LRFN3: variants seen among roughly 807,000 people sequenced by gnomAD.
LRFN3 encodes leucine rich repeat and fibronectin type III domain containing 3.
Under a neutral mutation model 23.8 loss-of-function variants are expected in LRFN3, and 8 were observed. The observed-to-expected ratio is 0.34, with a 90% CI of 0.20 to 0.61. The LOEUF is 0.61. Ranked by LOEUF, LRFN3 falls within the 20% of genes least tolerant of loss-of-function variation. The probability of loss-of-function intolerance (pLI) is 0.80; values close to 1 mark genes in which losing one functional copy is unlikely to be tolerated. For synonymous variants in LRFN3, 451 were observed against 450.6 expected (o/e 1.00, Z -0.01); for missense variants, 736 against 935.3 (o/e 0.79, Z 2.78).
intron 1 of LRFN3, among the ~76,000 whole-genome samples, chr19:35,938,142 C>A (rs1231901616): frequency 6.6e-6 from 1 of 152,198 alleles, no homozygotes. Flanking sequence ...TCTCCAGCAG[C>A]CTCTGTCCAT....
At position 35,940,562 on chromosome 19, in the gene LRFN3, G is replaced by A. The variant is rs1392657705; in HGVS notation, c.1137G>A (p.Val379=). ...CAGCTGGCGAGGCCACAGCTGCTGT[G>A]GAGCTGACTGTGGGTCCCCCACCAC... ...ANAAGEATAA[V]ELTVGPPPPP... Residue 379 remains valine, a synonymous_variant, in exon 2 of 3, where the codon GTG becomes GTA. Transcript: ENST00000246529. 6.2e-7 allele frequency: 1 copy of A among 1,612,636 alleles called. No homozygotes were observed. Among genetic ancestry groups the A allele is most frequent in the African/African-American group, 1.3e-5 (1 of 74,944 alleles).
chr19:35,940,261 G>T lies in LRFN3; in HGVS notation c.836G>T (p.Gly279Val). 1 of 1,605,024 alleles carries T rather than the reference G, an allele frequency of 6.2e-7. No homozygotes were observed. Among genetic ancestry groups the T allele is most frequent in the Non-Finnish European group, 8.5e-7 (1 of 1,178,726 alleles). ...LEACASPPAL[G>V]GRYFWAVGEE... ...GCCTGCGCGTCCCCACCTGCTCTGG[G>T]CGGCCGCTACTTCTGGGCGGTGGGC... Residue 279 changes from glycine to valine, a missense_variant, in exon 2 of 3, where the codon GGC (glycine) becomes GTC (valine). Gly to Val is a moderately radical substitution (Grantham distance 109). Coordinates refer to ENST00000246529, the MANE Select transcript of LRFN3 (RefSeq NM_024509.2).
chr19:35,939,557 G>A lies in LRFN3; in HGVS notation c.132G>A (p.Leu44=), dbSNP rs1976092236. The A allele has an allele frequency of 6.2e-7, 1 of 1,608,406 alleles. No individual in the cohort carries two copies. Among genetic ancestry groups the A allele is most frequent in the South Asian group, 1.1e-5 (1 of 91,030 alleles). The change falls in exon 2 of 3, where the codon CTG becomes CTA. Residue 44 remains leucine (L), a synonymous_variant. Coordinates refer to ENST00000246529, the MANE Select transcript of LRFN3 (RefSeq NM_024509.2). The surrounding 1 kb of genome is among the most constrained non-coding windows in gnomAD (Gnocchi z 6.4). The part of the protein sequence containing the change: ...CQTQSLPLSV[L]CPGAGLLFVP... ...CACAGTCGCTGCCCCTAAGCGTGCT[G>A]TGCCCAGGGGCAGGCCTCCTGTTCG...
chr19:35,944,514 C>A lies in LRFN3; in HGVS notation c.1416-34C>A. The A allele has an allele frequency of 7.2e-7, 1 of 1,383,456 alleles. No homozygotes were observed. Among genetic ancestry groups the A allele is most frequent in the Non-Finnish European group, 9.4e-7 (1 of 1,065,494 alleles). The allele number at this position is 1,383,456 out of a possible 1,614,324, so 85.7% of individuals were successfully genotyped here. Reference sequence around the variant, plus strand: ...GAAGCACAGGTTGGGGGCTGGGCAGCCTGAGACCTGACCCCCACCTGCCTG... The same window carrying A: ...GAAGCACAGGTTGGGGGCTGGGCAGACTGAGACCTGACCCCCACCTGCCTG... On this transcript the variant is annotated intron_variant, in intron 2 of 2. Coordinates refer to ENST00000246529, the MANE Select transcript of LRFN3 (RefSeq NM_024509.2). This position sits in a 1 kb window ranked among gnomAD's most constrained non-coding sequence, Gnocchi z 4.5.
rs1237347997 is a variant in LRFN3, at chr19:35,936,406, G to C, written c.-1166G>C. The stretch of plus-strand genomic sequence containing the variant: ...GGTGCGCGCGCTGCCCTGGGTTGCC[G>C]GCGAGGAGGCCGCGGGAGCGCCTGG... On this transcript the variant is annotated 5_prime_UTR_variant, in exon 1 of 3. Coordinates refer to ENST00000246529, the MANE Select transcript of LRFN3 (RefSeq NM_024509.2). Among the ~76,000 whole-genome samples, 2 of 151,380 alleles carry C rather than the reference G, an allele frequency of 1.3e-5. No individual in the cohort carries two copies. The highest frequency in any genetic ancestry group is 1.3e-4 in the Admixed American group (2 of 15,200).
rs1247760385 is a variant in LRFN3, at chr19:35,936,819, C to G, written c.-753C>G. On this transcript the variant is annotated 5_prime_UTR_variant, in exon 1 of 3. Transcript: ENST00000246529. Reference sequence around the variant, plus strand: ...TGGGACCAGCACCCCGAGATCCGGCCGTGGAACCCCAAGATCTGGAGCCTG... The same window carrying G: ...TGGGACCAGCACCCCGAGATCCGGCGGTGGAACCCCAAGATCTGGAGCCTG... The G allele has an allele frequency of 6.6e-6, 1 of 152,170 alleles. No individual in the cohort carries two copies. Among genetic ancestry groups the G allele is most frequent in the African/African-American group, 2.4e-5 (1 of 41,438 alleles). 9.4% of individuals were successfully genotyped at this position (152,170 alleles called of 1,614,324 possible). A position where few individuals can be genotyped will look rare whatever the true frequency, so the allele number is the denominator to read the frequency against.
intron 1 of LRFN3, among the ~76,000 whole-genome samples, chr19:35,937,930 CT>C (rs1487406852): frequency 3.9e-5 from 6 of 152,140 alleles, no homozygotes; most frequent in Non-Finnish European, 7.3e-5. Flanking sequence ...CTCTGATCAT[CT>C]TTGTGACACC....
In LRFN3 at chr19:35,939,969, G is replaced by A. The variant is rs758204453; in HGVS notation, c.544G>A (p.Val182Ile). Residue 182 changes from valine to isoleucine, a missense_variant, in exon 2 of 3, where the codon GTC becomes ATC. Physicochemically the swap from Val to Ile is conservative, Grantham distance 29 (BLOSUM62 3). Around this residue, in one of 2 missense-constraint regions of LRFN3, gnomAD observed 446 missense variants for 647.9 expected, o/e 0.69. Transcript: ENST00000246529. This position sits in a 1 kb window ranked among gnomAD's most constrained non-coding sequence, Gnocchi z 6.4. ...PWEALGRLGN[V>I]NTLGLDHNLL... ...GGAGGCCCTGGGCCGCCTGGGCAAC[G>A]TCAACACGTTGGGCCTCGACCACAA... The A allele has an allele frequency of 3.1e-6, 5 of 1,610,012 alleles. No homozygotes were observed. The highest frequency in any genetic ancestry group is 4.5e-5 in the East Asian group (2 of 44,860).
At position 35,944,925 on chromosome 19, in the gene LRFN3, C is replaced by T. The variant is rs777683616; in HGVS notation, c.1793C>T (p.Pro598Leu). ...GALGPTPTPA[P>L]PAPEPAALRA... is the part of the protein sequence containing the mutation. ...CTGGGCCCCACGCCCACGCCCGCCC[C>T]GCCCGCCCCGGAGCCCGCGGCGCTC... is the stretch of plus-strand genomic sequence containing the variant. Residue 598 changes from proline to leucine, a missense_variant, in exon 3 of 3, where the codon CCG (proline) becomes CTG (leucine). Pro to Leu is a moderately conservative substitution (Grantham distance 98). Transcript: ENST00000246529. The surrounding 1 kb of genome is among the most constrained non-coding windows in gnomAD (Gnocchi z 4.5). The T allele has an allele frequency of 3.2e-6, 5 of 1,538,518 alleles. No homozygotes were observed. The South Asian group carries it at 3.6e-5, about 11-fold the overall frequency.
chr19:35,946,029 C>T lies in LRFN3; in HGVS notation c.*1010C>T, dbSNP rs573844601. Among the ~76,000 whole-genome samples, 62 of 151,872 alleles carry T rather than the reference C, an allele frequency of 4.1e-4. No homozygotes were observed. The highest frequency in any genetic ancestry group is 1.3e-3 in the African/African-American group (52 of 41,404). On this transcript the variant is annotated 3_prime_UTR_variant, in exon 3 of 3. Coordinates refer to ENST00000246529, the MANE Select transcript of LRFN3 (RefSeq NM_024509.2). The stretch of plus-strand genomic sequence containing the variant: ...CTCGGGAAACTGTGGGAAGCTGAGG[C>T]GGTGGGTTATGGAGCTGCGGGGCCA...
chr19:35,945,005 C>T lies in LRFN3; in HGVS notation c.1873C>T (p.Pro625Ser), dbSNP rs1331876116. The T allele has an allele frequency of 2.9e-6, 4 of 1,386,882 alleles. No homozygotes were observed. In the East Asian group the frequency reaches 8.6e-5, roughly 30 times the overall value. The allele number at this position is 1,386,882 out of a possible 1,614,324, so 85.9% of individuals were successfully genotyped here. A position where few individuals can be genotyped will look rare whatever the true frequency, so the allele number is the denominator to read the frequency against. Residue 625 changes from proline (P) to serine (S), a missense_variant, in exon 3 of 3, where the codon CCT (proline) becomes TCT (serine). Transcript: ENST00000246529. ...CGAGCCCTGGGGGCCCGGCCACGAACCTGTGGGACCCTAGCCAGGCGCCCC... is the reference window on the plus strand; with the variant it reads ...CGAGCCCTGGGGGCCCGGCCACGAATCTGTGGGACCCTAGCCAGGCGCCCC... ...DCEPWGPGHE[P>S]VGP
At position 35,944,688 on chromosome 19, in the gene LRFN3, C is replaced by G. The variant is rs267605442; in HGVS notation, c.1556C>G (p.Ser519Cys). 1.2e-6 allele frequency: 2 copies of G among 1,603,570 alleles called. No individual in the cohort carries two copies. The highest frequency in any genetic ancestry group is 1.7e-6 in the Non-Finnish European group (2 of 1,176,738). ...CGGCCTGTGGGCTGCGCCCGCTTCTCCACCGAACCTGCGCTGCGGCCATGC... is the reference window on the plus strand; with the variant it reads ...CGGCCTGTGGGCTGCGCCCGCTTCTGCACCGAACCTGCGCTGCGGCCATGC... ...ATRPVGCARF[S>C]TEPALRPCGA... Residue 519 changes from serine (S) to cysteine (C), a missense_variant, in exon 3 of 3, where the codon TCC (serine) becomes TGC (cysteine). By Grantham distance (112) the Ser-to-Cys change is moderately radical (BLOSUM62 -1). Coordinates refer to ENST00000246529, the MANE Select transcript of LRFN3 (RefSeq NM_024509.2). The surrounding 1 kb of genome is among the most constrained non-coding windows in gnomAD (Gnocchi z 4.5).
At chr19:35,941,518 G>C (rs764301007) in intron 2 of LRFN3, among the ~76,000 whole-genome samples, 9 of 152,092 alleles carry the variant, frequency 5.9e-5, no homozygotes, top group African/African-American at 2.2e-4. Context: ...ACTGGGCTTC[G>C]GTGTGTGTGG....
rs767675325 is a variant in LRFN3, at chr19:35,939,756, G to T, written c.331G>T (p.Ala111Ser). 1 of 1,604,754 alleles carries T rather than the reference G, an allele frequency of 6.2e-7. No homozygotes were observed. Among genetic ancestry groups the T allele is most frequent in the Non-Finnish European group, 8.5e-7 (1 of 1,179,334 alleles). Residue 111 changes from alanine (A) to serine (S), a missense_variant, in exon 2 of 3, where the codon GCC (alanine) becomes TCC (serine). This residue lies in a region of LRFN3 where 446 missense variants were observed against 647.9 expected (regional missense o/e 0.69). Coordinates refer to ENST00000246529, the MANE Select transcript of LRFN3 (RefSeq NM_024509.2). This position sits in a 1 kb window ranked among gnomAD's most constrained non-coding sequence, Gnocchi z 6.4. ...GAFADLRALR[A>S]LHLDGNRLTS... is the part of the protein sequence containing the mutation. ...CTTCGCCGACCTGCGGGCCCTGCGT[G>T]CCCTGCACCTGGATGGCAACCGGCT...
rs767477691 is a variant in LRFN3 at position 35,939,829 on chromosome 19, A to T, written c.404A>T (p.His135Leu). Residue 135 changes from histidine (H) to leucine (L), a missense_variant, in exon 2 of 3, where the codon CAC becomes CTC. His to Leu is a moderately conservative substitution (Grantham distance 99). Around this residue, in one of 2 missense-constraint regions of LRFN3, gnomAD observed 446 missense variants for 647.9 expected, o/e 0.69. Transcript: ENST00000246529. This position sits in a 1 kb window ranked among gnomAD's most constrained non-coding sequence, Gnocchi z 6.4. Reference sequence around the variant, plus strand: ...CTGCGCGGCCTGGTCAACTTGCGCCACCTCATCCTCAGCAACAACCAGCTG... The same window carrying T: ...CTGCGCGGCCTGGTCAACTTGCGCCTCCTCATCCTCAGCAACAACCAGCTG... ...GQLRGLVNLRHLILSNNQLAA... is the reference protein window; with the variant it reads ...GQLRGLVNLRLLILSNNQLAA... 1.2e-6 allele frequency: 2 copies of T among 1,602,360 alleles called. No homozygotes were observed. The highest frequency in any genetic ancestry group is 2.2e-5 in the South Asian group (2 of 91,064).
chr19:35,938,699 GAC>G (rs753561000), intron 1 of LRFN3, among the ~76,000 whole-genome samples: 19 of 152,046 alleles, frequency 1.2e-4, no homozygotes, highest in Non-Finnish European at 2.2e-4. Flanking sequence ...GGCCGTTTCT[GAC>G]CACGTGTCTC....
At chr19:35,942,464 G>A (rs1242247474) in intron 2 of LRFN3, among the ~76,000 whole-genome samples, 1 of 152,236 alleles carries the variant, frequency 6.6e-6, no homozygotes, top group Non-Finnish European at 1.5e-5. Context: ...TTGCATGGAT[G>A]GACTGCGGCT....
At chr19:35,938,388 T>C (rs916019199) in intron 1 of LRFN3, among the ~76,000 whole-genome samples, 2 of 147,536 alleles carry the variant, frequency 1.4e-5, no homozygotes, top group South Asian at 2.2e-4. Context: ...CTTCTCTCTT[T>C]CTCACTCACT....
chr19:35,944,378 G>T lies in LRFN3; in HGVS notation c.1416-170G>T, dbSNP rs1304132399. On this transcript the variant is annotated intron_variant, in intron 2 of 2. Coordinates refer to ENST00000246529, the MANE Select transcript of LRFN3 (RefSeq NM_024509.2). The surrounding 1 kb of genome is among the most constrained non-coding windows in gnomAD (Gnocchi z 4.5). ...GGGGTATCAGTCAGGTGGCTGAATG[G>T]GATGTCAGACCAAAGGGAATTGGGA... 6.6e-6 allele frequency among the ~76,000 whole-genome samples: 1 copy of T among 152,200 alleles called. No individual in the cohort carries two copies. Among genetic ancestry groups the T allele is most frequent in the Admixed American group, 6.5e-5 (1 of 15,284 alleles).
Sources: gnomAD v4.1 joint callset for allele counts (sites outside exome capture counted in the v4.1 genomes callset) on GRCh38, gnomAD v4.1.1 for gene constraint, gnomAD v4.1.1 regional missense constraint, Gnocchi (gnomAD v3.1) non-coding constraint, MANE v1.5 for transcripts, NCBI Gene and HGNC (gene_info 2026-07-23, HGNC 2026-07-21) for gene names.